The following RIMKLB variants were observed in gnomAD, a reference collection of about 807,000 sequenced individuals.
RIMKLB encodes the protein beta-citrylglutamate synthase B.
RIMKLB carries 7 observed loss-of-function variants against 32.0 expected under a neutral mutation model. The observed-to-expected ratio is 0.22, with a 90% CI of 0.12 to 0.41. RIMKLB has a LOEUF of 0.41. Ranked by LOEUF, RIMKLB falls within the 10% of genes least tolerant of loss-of-function variation. RIMKLB has a pLI of 1.00. For missense variants in RIMKLB, 289 were observed against 498.7 expected (o/e 0.58, Z 4.00); for synonymous variants, 172 against 185.1 (o/e 0.93, Z 0.57).
At chr12:8,725,531 C>G (rs1945897306) in intron 2 of RIMKLB, among the ~76,000 whole-genome samples, 1 of 152,142 alleles carries the variant, frequency 6.6e-6, no homozygotes, top group African/African-American at 2.4e-5. Context: ...TTCAAGTCAT[C>G]CTAGAGTTGC....
chr12:8,720,019 C>G (rs1945280198), intron 2 of RIMKLB, among the ~76,000 whole-genome samples: 1 of 151,924 alleles, frequency 6.6e-6, no homozygotes. Context: ...TAGGTGTGCA[C>G]CAAGGATGGT....
the RIMKLB span, among the ~76,000 whole-genome samples, chr12:8,674,610 C>T: frequency 2.0e-3 from 298 of 151,902 alleles, 1 homozygote; most frequent in Non-Finnish European, 3.3e-3. Flanking sequence ...AGTGCAGTGG[C>T]GATATCTCAG....
downstream of RIMKLB, chr12:8,780,752 T>G (rs972746158): frequency 1.3e-5 from 2 of 152,208 alleles, no homozygotes; most frequent in Admixed American, 6.5e-5. Context: ...AAGTTATCTT[T>G]AACTAAGAAT....
At chr12:8,679,719 A>C (rs1178436519), upstream of RIMKLB, 1 of 152,202 alleles carries the variant, frequency 6.6e-6, no homozygotes. Context: ...ACGAACAATA[A>C]GGTCTTGTAT....
At chr12:8,768,854 C>T (rs1950180063) in intron 5 of RIMKLB, among the ~76,000 whole-genome samples, 1 of 152,136 alleles carries the variant, frequency 6.6e-6, no homozygotes, top group African/African-American at 2.4e-5. Flanking sequence ...GCATATGCTG[C>T]TTTTAATCTC....
chr12:8,686,579 A>C, intron 1 of RIMKLB, among the ~76,000 whole-genome samples: 1 of 151,042 alleles, frequency 6.6e-6, no homozygotes, highest in South Asian at 2.1e-4. Flanking sequence ...TCCCGGATTC[A>C]TGCCATTCTC....
intron 2 of RIMKLB, among the ~76,000 whole-genome samples, chr12:8,746,975 A>G (rs1358507618): frequency 6.6e-6 from 1 of 152,072 alleles, no homozygotes; most frequent in Non-Finnish European, 1.5e-5. Flanking sequence ...TCCTAATCTC[A>G]AGCAATCCTT....
the RIMKLB span, among the ~76,000 whole-genome samples, chr12:8,676,011 T>A: frequency 6.6e-6 from 1 of 152,202 alleles, no homozygotes; most frequent in Non-Finnish European, 1.5e-5. Context: ...AGAAACATGC[T>A]ATAGCCATAT....
chr12:8,730,427 C>T (rs1290170011), intron 2 of RIMKLB, among the ~76,000 whole-genome samples: 1 of 152,142 alleles, frequency 6.6e-6, no homozygotes, highest in Non-Finnish European at 1.5e-5. Flanking sequence ...CCCAAATCAT[C>T]TCACTCCAGC....
chr12:8,718,636 C>CAT, intron 2 of RIMKLB, among the ~76,000 whole-genome samples: 2 of 121,470 alleles, frequency 1.6e-5, no homozygotes, highest in East Asian at 5.2e-4. Flanking sequence ...AGCGAGACTC[C>CAT]GTCTCTCTCT....
At position 8,705,476 on chromosome 12, in the gene RIMKLB, C is replaced by CAAA. The variant is rs10607711; in HGVS notation, c.-57+7195_-57+7197dup. Among the ~76,000 whole-genome samples, 698 of 105,306 alleles carry CAAA rather than the reference C, an allele frequency of 6.6e-3. 10 individuals carry two copies. Among genetic ancestry groups the CAAA allele is most frequent in the African/African-American group, 0.023 (651 of 28,266 alleles). The allele number at this position is 105,306 out of a possible 152,430, so 69.1% of individuals were successfully genotyped here. Reference sequence around the variant, plus strand: ...TGGGTGACAGATTGAGACTCCATCTCAAAAAAAAAAAAAAAAAAGTAAAAT... The same window carrying CAAA: ...TGGGTGACAGATTGAGACTCCATCTCAAAAAAAAAAAAAAAAAAAAAGTAAAAT... On this transcript the variant is annotated intron_variant, in intron 1 of 5. Coordinates refer to ENST00000535829, the MANE Select transcript of RIMKLB (RefSeq NM_001297776.2).
intron 1 of RIMKLB, among the ~76,000 whole-genome samples, chr12:8,712,151 T>C (rs1944428699): frequency 1.3e-5 from 2 of 152,208 alleles, no homozygotes; most frequent in South Asian, 4.1e-4. Context: ...TATTTTTCAT[T>C]TTAATGAGCC....
intron 1 of RIMKLB, among the ~76,000 whole-genome samples, chr12:8,707,866 A>AT (rs1190293771): frequency 2.0e-5 from 3 of 152,206 alleles, no homozygotes; most frequent in Non-Finnish European, 1.5e-5. Context: ...CACAAACCTG[A>AT]TTCAACTCCC....
intron 1 of RIMKLB, among the ~76,000 whole-genome samples, chr12:8,700,815 C>T (rs935656071): frequency 3.3e-5 from 5 of 152,144 alleles, no homozygotes; most frequent in Admixed American, 3.3e-4. Context: ...CCTGTAATCC[C>T]AGCACTTTGG....
At chr12:8,680,979 A>G (rs1591585964), upstream of RIMKLB, among the ~76,000 whole-genome samples, 1 of 146,694 alleles carries the variant, frequency 6.8e-6, no homozygotes, top group Admixed American at 6.9e-5. Flanking sequence ...GCTGTTCTTC[A>G]GGTCTGGTCT....
chr12:8,779,190 TAAAC>T (rs952488220), downstream of RIMKLB: 2 of 152,238 alleles, frequency 1.3e-5, no homozygotes, highest in African/African-American at 2.4e-5. Context: ...CATGGAGAGT[TAAAC>T]AACCTCCAGT....
the RIMKLB span, among the ~76,000 whole-genome samples, chr12:8,671,023 TCAC>T: frequency 2.6e-5 from 4 of 152,092 alleles, no homozygotes; most frequent in African/African-American, 9.7e-5. Flanking sequence ...GAGACACAGG[TCAC>T]CAAGTCCCTA....
intron 5 of RIMKLB, among the ~76,000 whole-genome samples, chr12:8,765,481 C>G (rs1162082099): frequency 6.6e-6 from 1 of 152,128 alleles, no homozygotes; most frequent in African/African-American, 2.4e-5. Flanking sequence ...GTGTTAGTGT[C>G]TGATTTAGCA....
At chr12:8,715,228 C>CCTTTTTTTTT (rs1445737752) in intron 2 of RIMKLB, among the ~76,000 whole-genome samples, 27 of 123,730 alleles carry the variant, frequency 2.2e-4, no homozygotes, top group African/African-American at 8.6e-4. Flanking sequence ...TGCTCTTGTT[C>CCTTTTTTTTT]TTTTTTTTTT....
Sources: gnomAD v4.1 joint callset for allele counts (sites outside exome capture counted in the v4.1 genomes callset) on GRCh38, gnomAD v4.1.1 for gene constraint, MANE v1.5 for transcripts, NCBI Gene and HGNC (gene_info 2026-07-23, HGNC 2026-07-21) for gene names.